DPYS: variants seen among roughly 807,000 people sequenced by gnomAD.
The protein encoded by DPYS is dihydropyrimidine amidohydrolase.
DPYS carries 39 observed loss-of-function variants against 50.3 expected under a neutral mutation model. The observed-to-expected ratio is 0.78, with a 90% confidence interval of 0.60 to 1.01. The LOEUF (loss-of-function observed/expected upper bound fraction) is 1.01. Among genes scored for constraint, DPYS ranks in the 50% least tolerant of loss-of-function variants. The pLI, the probability that DPYS is intolerant of heterozygous loss-of-function variation, is 0.00. For missense variants in DPYS, 659 were observed against 680.9 expected, an observed-to-expected ratio of 0.97 and a Z score of 0.36; for synonymous variants, 245 against 250.7, an observed-to-expected ratio of 0.98 and a Z score of 0.22.
intron 7 of DPYS, among the ~76,000 whole-genome samples, chr8:104,413,272 C>T (rs182611717): frequency 4.2e-4 from 64 of 151,750 alleles, no homozygotes; most frequent in Non-Finnish European, 5.7e-4. Context: ...GAAAGTTGCA[C>T]AATACATATA....
chr8:104,434,102 T>C (rs1813046561), intron 4 of DPYS, among the ~76,000 whole-genome samples: 1 of 152,184 alleles, frequency 6.6e-6, no homozygotes, highest in South Asian at 2.1e-4. Flanking sequence ...ATGTAAGCTA[T>C]ACATTGTTCT....
chr8:104,406,163 C>A (rs907683687), intron 7 of DPYS, among the ~76,000 whole-genome samples: 1 of 152,130 alleles, frequency 6.6e-6, no homozygotes, highest in African/African-American at 2.4e-5. Context: ...CCTTGCCTGC[C>A]CTTCTAAGAG....
intron 8 of DPYS, 130 bp downstream of exon 8, chr8:104,392,654 C>T: frequency 8.7e-7 from 1 of 1,150,402 alleles, no homozygotes; most frequent in South Asian, 1.2e-5. Context: ...TCATATCAAT[C>T]CTGACACCCC....
chr8:104,405,238 A>G (rs775643692), intron 7 of DPYS, among the ~76,000 whole-genome samples: 25 of 152,198 alleles, frequency 1.6e-4, no homozygotes, highest in Non-Finnish European at 2.9e-4. Context: ...CCACCTTTGT[A>G]TTTCCATTTA....
chr8:104,386,838 G>A (rs1286938245), intron 8 of DPYS, among the ~76,000 whole-genome samples: 2 of 152,024 alleles, frequency 1.3e-5, no homozygotes, highest in Admixed American at 6.6e-5. Context: ...ATGTTGGCCA[G>A]GCTAGTCTTG....
intron 7 of DPYS, among the ~76,000 whole-genome samples, chr8:104,395,180 G>A (rs1477131815): frequency 6.6e-6 from 1 of 151,792 alleles, no homozygotes; most frequent in East Asian, 1.9e-4. Context: ...ATTGTTTTTG[G>A]TAGAGACAGG....
At chr8:104,380,262 A>C (rs1273893692) in intron 9 of DPYS, among the ~76,000 whole-genome samples, 6 of 152,342 alleles carry the variant, frequency 3.9e-5, no homozygotes, top group Admixed American at 3.9e-4. Flanking sequence ...CAGTGCCTGA[A>C]TATGTAGAAA....
intron 2 of DPYS, among the ~76,000 whole-genome samples, chr8:104,449,187 G>GT (rs1813643802): frequency 6.6e-6 from 1 of 152,094 alleles, no homozygotes; most frequent in African/African-American, 2.4e-5. Context: ...CCCCCTAACA[G>GT]TTTCTAATTT....
intron 7 of DPYS, chr8:104,420,760 T>G (rs922543510): frequency 2.0e-5 from 3 of 150,512 alleles, no homozygotes; most frequent in Non-Finnish European, 4.4e-5. Flanking sequence ...ACCAGCTTTT[T>G]AAAAGGATCT....
At chr8:104,396,295 T>G (rs1299221376) in intron 7 of DPYS, among the ~76,000 whole-genome samples, 1 of 152,136 alleles carries the variant, frequency 6.6e-6, no homozygotes, top group Non-Finnish European at 1.5e-5. Context: ...ATTAGTAAGG[T>G]TGCTATATGA....
intron 7 of DPYS, among the ~76,000 whole-genome samples, chr8:104,415,908 A>G (rs751158319): frequency 1.3e-3 from 201 of 152,278 alleles, no homozygotes; most frequent in Non-Finnish European, 2.5e-3. Context: ...CTCATTTCAC[A>G]AACTGACCAC....
At chr8:104,457,421 T>G (rs1229720173) in intron 1 of DPYS, among the ~76,000 whole-genome samples, 2 of 152,214 alleles carry the variant, frequency 1.3e-5, no homozygotes, top group African/African-American at 4.8e-5. Flanking sequence ...TTCTGGAATT[T>G]TCCACTTAAG....
intron 7 of DPYS, among the ~76,000 whole-genome samples, chr8:104,417,193 C>T (rs1812397247): frequency 1.3e-5 from 2 of 152,178 alleles, no homozygotes; most frequent in African/African-American, 4.8e-5. Flanking sequence ...TTCCAGTACA[C>T]ACAATGTGTT....
chr8:104,436,378 G>C (rs1012160747), intron 4 of DPYS, among the ~76,000 whole-genome samples: 5 of 152,198 alleles, frequency 3.3e-5, no homozygotes, highest in Non-Finnish European at 5.9e-5. Flanking sequence ...GGGAGGCAGA[G>C]GTGGGCGGAT....
intron 8 of DPYS, among the ~76,000 whole-genome samples, chr8:104,389,588 A>G (rs560234478): frequency 3.3e-5 from 5 of 152,062 alleles, no homozygotes; most frequent in African/African-American, 7.2e-5. Flanking sequence ...GTGGGAATCA[A>G]AAAGACCTTA....
intron 3 of DPYS, among the ~76,000 whole-genome samples, chr8:104,445,354 CT>C (rs1813490144): frequency 6.6e-6 from 1 of 152,160 alleles, no homozygotes; most frequent in Non-Finnish European, 1.5e-5. Context: ...CAGCCAAGAT[CT>C]GGAAGCAACC....
intron 4 of DPYS, among the ~76,000 whole-genome samples, chr8:104,432,126 C>T (rs1812975927): frequency 6.6e-6 from 1 of 152,188 alleles, no homozygotes; most frequent in Admixed American, 6.5e-5. Flanking sequence ...CATCATTAAT[C>T]TCCTCCCACT....
intron 7 of DPYS, among the ~76,000 whole-genome samples, chr8:104,395,659 A>T (rs1245904444): frequency 6.6e-6 from 1 of 152,174 alleles, no homozygotes; most frequent in African/African-American, 2.4e-5. Context: ...ATAGTATTCC[A>T]CTGTATGGAC....
Position 104,428,009 on chromosome 8 carries a change from G to A in DPYS, c.1063C>T (p.Arg355Trp), listed in dbSNP as rs559507379. 2.0e-5 allele frequency: 33 copies of A among 1,614,052 alleles called. No individual in the cohort carries two copies. The highest frequency in any genetic ancestry group is 2.0e-4 in the East Asian group (9 of 44,886). Residue 355 changes from arginine (R) to tryptophan (W), a missense_variant, in exon 6 of 10, where the codon CGG (arginine) becomes TGG (tryptophan). Coordinates refer to ENST00000351513, the MANE Select transcript of DPYS (RefSeq NM_001385.3). The stretch of plus-strand genomic sequence containing the variant: ...CCTTTTTCCCATATTACGGACATCC[G>A]ATCTTCAACACCATTCACCCCATTG... ...IPNGVNGVED[R>W]MSVIWEKGVH... is the part of the protein sequence containing the mutation.
Sources: gnomAD v4.1 joint callset for allele counts (sites outside exome capture counted in the v4.1 genomes callset) on GRCh38, gnomAD v4.1.1 for gene constraint, MANE v1.5 for transcripts, NCBI Gene and HGNC (gene_info 2026-07-23, HGNC 2026-07-21) for gene names.